The following ATRNL1 variants were observed in gnomAD, a reference collection of about 807,000 sequenced individuals.
ATRNL1 encodes attractin like 1.
In ATRNL1, 95 loss-of-function variants were observed where a neutral mutation model predicts 182.7. The ratio of observed to expected loss-of-function variants is 0.52; its 90% CI spans 0.44 to 0.62. The LOEUF (loss-of-function observed/expected upper bound fraction) is 0.62, where lower values mean the gene tolerates loss of function less well. Among genes scored for constraint, ATRNL1 ranks in the 20% least tolerant of loss-of-function variants. ATRNL1 has a pLI of 0.00. For missense variants in ATRNL1, 1,471 were observed against 1,679.5 expected (o/e 0.88, Z 2.17); for synonymous variants, 576 against 568.3 (o/e 1.01, Z -0.19).
chr10:115,802,059 AC>A (rs1271239387), intron 27 of ATRNL1, among the ~76,000 whole-genome samples: 27 of 36,660 alleles, frequency 7.4e-4, no homozygotes, highest in Non-Finnish European at 1.4e-3. Flanking sequence ...ACAAAAAAAA[AC>A]AGAATTTCTA....
At chr10:115,422,692 AAAG>A (rs1417293152) in intron 20 of ATRNL1, among the ~76,000 whole-genome samples, 1 of 152,206 alleles carries the variant, frequency 6.6e-6, no homozygotes, top group Non-Finnish European at 1.5e-5. Context: ...AGCTATAAAA[AAAG>A]AACAAGATCA....
At chr10:115,572,476 C>A (rs1246383775) in intron 26 of ATRNL1, among the ~76,000 whole-genome samples, 2 of 152,076 alleles carry the variant, frequency 1.3e-5, no homozygotes, top group African/African-American at 4.8e-5. Context: ...TAGGGTTTTA[C>A]CTTCAAAAAC....
intron 27 of ATRNL1, among the ~76,000 whole-genome samples, chr10:115,795,979 G>A (rs1285431999): frequency 6.6e-6 from 1 of 152,044 alleles, no homozygotes; most frequent in Non-Finnish European, 1.5e-5. Context: ...CCCTTGTGCT[G>A]AGTGCCAGAT....
intron 1 of ATRNL1, among the ~76,000 whole-genome samples, chr10:115,095,866 G>A (rs1185417658): frequency 6.6e-6 from 1 of 152,126 alleles, no homozygotes; most frequent in Non-Finnish European, 1.5e-5. Flanking sequence ...TGATTTATAT[G>A]TAGGGATATT....
At chr10:115,373,771 A>C (rs782399182) in intron 19 of ATRNL1, among the ~76,000 whole-genome samples, 8 of 151,708 alleles carry the variant, frequency 5.3e-5, no homozygotes, top group Non-Finnish European at 1.0e-4. Flanking sequence ...AGTTTGTTTC[A>C]TAATATTTTG....
intron 28 of ATRNL1, among the ~76,000 whole-genome samples, chr10:115,924,548 C>T (rs1240197510): frequency 6.6e-6 from 1 of 152,092 alleles, no homozygotes; most frequent in Non-Finnish European, 1.5e-5. Flanking sequence ...TGTGGCAGAT[C>T]AGATGGTTGT....
intron 18 of ATRNL1, among the ~76,000 whole-genome samples, chr10:115,328,010 G>A (rs977215286): frequency 1.2e-3 from 181 of 151,744 alleles, no homozygotes; most frequent in African/African-American, 3.3e-3. Flanking sequence ...TGGGTGCAGC[G>A]CACCAGCATG....
At chr10:115,113,074 T>A (rs1013866196) in intron 1 of ATRNL1, among the ~76,000 whole-genome samples, 30 of 152,086 alleles carry the variant, frequency 2.0e-4, no homozygotes, top group Admixed American at 1.9e-3. Flanking sequence ...ATCAAAGCAA[T>A]GGCTACCAGG....
At position 115,282,114 on chromosome 10, in the gene ATRNL1, T is replaced by C. The variant is rs1317859987; in HGVS notation, c.2233+627T>C. On this transcript the variant is annotated intron_variant, in intron 14 of 28. Transcript: ENST00000355044. ...CTAGTAATTTTAACTAAATATATAA[T>C]TTATATATTTAATAAATTTAAACCA... 2.7e-5 allele frequency among the ~76,000 whole-genome samples: 4 copies of C among 146,218 alleles called. No individual in the cohort carries two copies. The East Asian group carries it at 7.8e-4, about 29-fold the overall frequency.
chr10:115,205,724 C>A (rs77456644), intron 8 of ATRNL1, among the ~76,000 whole-genome samples: 5 of 152,022 alleles, frequency 3.3e-5, no homozygotes, highest in African/African-American at 7.2e-5. Context: ...GTTTGGAATG[C>A]GGAAACCTTA....
chr10:115,541,629 GA>G (rs1184737316), intron 25 of ATRNL1, among the ~76,000 whole-genome samples: 1 of 152,158 alleles, frequency 6.6e-6, no homozygotes, highest in Non-Finnish European at 1.5e-5. Context: ...TAATAGAATG[GA>G]AAAATATACT....
chr10:115,905,189 T>C (rs1952464781), intron 28 of ATRNL1, among the ~76,000 whole-genome samples: 1 of 151,942 alleles, frequency 6.6e-6, no homozygotes, highest in South Asian at 2.1e-4. Flanking sequence ...GCTAAGTGAG[T>C]AAAGGAGAGT....
At chr10:115,805,644 G>A in intron 27 of ATRNL1, among the ~76,000 whole-genome samples, 1 of 149,424 alleles carries the variant, frequency 6.7e-6, no homozygotes, top group East Asian at 1.9e-4. Flanking sequence ...AACTTGTCAG[G>A]GTTCTGTTTC....
intron 18 of ATRNL1, among the ~76,000 whole-genome samples, chr10:115,330,672 C>CTTTTTTTTTTTTTTTT (rs200104323): frequency 1.7e-4 from 17 of 101,380 alleles, no homozygotes; most frequent in African/African-American, 2.9e-4. Context: ...GTGTTATTTG[C>CTTTTTTTTTTTTTTTT]TTTTTTTTTT....
rs1041935669 is a variant in ATRNL1, at chr10:115,255,859, T to C, written c.1688-9334T>C. Among the ~76,000 whole-genome samples the C allele has an allele frequency of 2.6e-5, 4 of 152,360 alleles. No individual in the cohort carries two copies. The East Asian group carries it at 7.7e-4, about 29-fold the overall frequency. On this transcript the variant is annotated intron_variant, in intron 10 of 28. Transcript: ENST00000355044. The stretch of plus-strand genomic sequence containing the variant: ...GTTTTTAGCCTGAAGGGCTGTTGAA[T>C]TTTGTCGAAGGCCTTTTTGGCATCT...
intron 14 of ATRNL1, among the ~76,000 whole-genome samples, chr10:115,283,043 T>C (rs1359683958): frequency 3.3e-5 from 5 of 152,054 alleles, no homozygotes; most frequent in African/African-American, 9.7e-5. Flanking sequence ...ATTGGAAAAT[T>C]CCATCACAGA....
rs576041095 is a variant in ATRNL1 at position 115,669,237 on chromosome 10, T to G, written c.3796-58011T>G. On this transcript the variant is annotated intron_variant, in intron 26 of 28. Coordinates refer to ENST00000355044, the MANE Select transcript of ATRNL1 (RefSeq NM_207303.4). ...TGTCATATCAACTGAAAATCTGAATTTTTACTTTTTTGCTCATTTTTCTGA... is the reference window on the plus strand; with the variant it reads ...TGTCATATCAACTGAAAATCTGAATGTTTACTTTTTTGCTCATTTTTCTGA... 4.1e-4 allele frequency among the ~76,000 whole-genome samples: 63 copies of G among 152,212 alleles called. No individual in the cohort carries two copies. The South Asian group carries it at 5.6e-3, about 14-fold the overall frequency.
chr10:115,723,707 C>T (rs1355938013), intron 26 of ATRNL1, among the ~76,000 whole-genome samples: 1 of 151,974 alleles, frequency 6.6e-6, no homozygotes, highest in Non-Finnish European at 1.5e-5. Context: ...TGCCACCATG[C>T]CTGGCTAATT....
chr10:115,732,112 A>T (rs1565328739), intron 27 of ATRNL1, among the ~76,000 whole-genome samples: 1 of 152,182 alleles, frequency 6.6e-6, no homozygotes, highest in Non-Finnish European at 1.5e-5. Flanking sequence ...ACTATGAATG[A>T]TGCCACTGTG....
Sources: gnomAD v4.1 joint callset for allele counts (sites outside exome capture counted in the v4.1 genomes callset) on GRCh38, gnomAD v4.1.1 for gene constraint, MANE v1.5 for transcripts, NCBI Gene and HGNC (gene_info 2026-07-23, HGNC 2026-07-21) for gene names.